The following DPP10 variants were observed in gnomAD, a reference collection of about 807,000 sequenced individuals.
The protein encoded by DPP10 is inactive dipeptidyl peptidase 10.
Under a neutral mutation model 120.9 loss-of-function variants are expected in DPP10, and 33 were observed. The ratio of observed to expected loss-of-function variants is 0.27; its 90% CI spans 0.21 to 0.37. DPP10 has a LOEUF of 0.37. DPP10 is among the 10% of genes least tolerant of loss of function. DPP10 has a pLI of 1.00. For missense variants in DPP10, 816 were observed against 942.8 expected, an observed-to-expected ratio of 0.87 and a Z score of 1.76; for synonymous variants, 337 against 326.1, an observed-to-expected ratio of 1.03 and a Z score of -0.36.
In DPP10 at chr2:114,782,173, A is replaced by T. The variant is rs537107198; in HGVS notation, c.60+339335A>T. Among the ~76,000 whole-genome samples the T allele has an allele frequency of 2.0e-4, 31 of 151,966 alleles. No homozygotes were observed. In the South Asian group the frequency reaches 6.1e-3, roughly 30 times the overall value. On this transcript the variant is annotated intron_variant, in intron 1 of 25. Transcript: ENST00000410059. Reference sequence around the variant, plus strand: ...ATGTACGTTGCATATTTTTTAATGGAATCTTCATACTAGTCATGAGAATGG... The same window carrying T: ...ATGTACGTTGCATATTTTTTAATGGTATCTTCATACTAGTCATGAGAATGG...
rs571690881 is a variant in DPP10, at chr2:114,817,372, T to C, written c.60+374534T>C. 2.0e-5 allele frequency among the ~76,000 whole-genome samples: 3 copies of C among 151,488 alleles called. No homozygotes were observed. In the East Asian group the frequency reaches 5.8e-4, roughly 29 times the overall value. ...TGTTAATGAAGCTATGCCACTCTTA[T>C]GTACAGAGGTGAGGATGAGGCTAAA... is the stretch of plus-strand genomic sequence containing the variant. On this transcript the variant is annotated intron_variant, in intron 1 of 25. Coordinates refer to ENST00000410059, the MANE Select transcript of DPP10 (RefSeq NM_020868.6).
intron 7 of DPP10, among the ~76,000 whole-genome samples, chr2:115,692,188 A>G (rs968220159): frequency 5.1e-5 from 7 of 136,104 alleles, no homozygotes; most frequent in Non-Finnish European, 9.4e-5. Flanking sequence ...TGATTCTATT[A>G]TGGTTACTGG....
chr2:114,762,193 A>T (rs1331813527), intron 1 of DPP10, among the ~76,000 whole-genome samples: 1 of 152,146 alleles, frequency 6.6e-6, no homozygotes, highest in African/African-American at 2.4e-5. Context: ...CATAACAGAG[A>T]TTTTCTCCTC....
At chr2:115,542,751 C>A (rs552342498) in intron 5 of DPP10, among the ~76,000 whole-genome samples, 2 of 151,276 alleles carry the variant, frequency 1.3e-5, no homozygotes, top group African/African-American at 4.9e-5. Flanking sequence ...GTAGACTCTA[C>A]AGTTTGTGGT....
chr2:115,626,715 T>C (rs894228297), intron 5 of DPP10, among the ~76,000 whole-genome samples: 2 of 152,166 alleles, frequency 1.3e-5, no homozygotes, highest in Admixed American at 1.3e-4. Flanking sequence ...TCTTTAGAAG[T>C]ATCAGTATAA....
At chr2:114,507,168 C>T (rs542962488) in intron 1 of DPP10, among the ~76,000 whole-genome samples, 30 of 151,608 alleles carry the variant, frequency 2.0e-4, no homozygotes, top group Admixed American at 3.9e-4. Flanking sequence ...CCGCCTCAGC[C>T]TCTCGAATAG....
chr2:115,284,467 T>C lies in DPP10; in HGVS notation c.61-24772T>C, dbSNP rs193047923. On this transcript the variant is annotated intron_variant, in intron 1 of 25. Coordinates refer to ENST00000410059, the MANE Select transcript of DPP10 (RefSeq NM_020868.6). ...CTTCATATTCTAACTTGTCAAACTTTTAAGCATCAAGCAATTTTTCCTGCA... is the reference window on the plus strand; with the variant it reads ...CTTCATATTCTAACTTGTCAAACTTCTAAGCATCAAGCAATTTTTCCTGCA... 1.6e-3 allele frequency among the ~76,000 whole-genome samples: 243 copies of C among 151,984 alleles called. 4 individuals carry two copies. Among genetic ancestry groups the C allele is most frequent in the African/African-American group, 5.3e-3 (220 of 41,404 alleles).
intron 1 of DPP10, among the ~76,000 whole-genome samples, chr2:114,886,872 C>T (rs1255405407): frequency 5.9e-5 from 9 of 152,240 alleles, no homozygotes; most frequent in South Asian, 2.1e-4. Context: ...TGTCAATAAA[C>T]GCTTTCTCAA....
chr2:115,551,266 G>T (rs2079854658), intron 5 of DPP10, among the ~76,000 whole-genome samples: 2 of 152,082 alleles, frequency 1.3e-5, no homozygotes, highest in Admixed American at 6.6e-5. Context: ...TGGCCAAAAT[G>T]AATAGTATAA....
chr2:114,927,581 G>C (rs1318975569), intron 1 of DPP10, among the ~76,000 whole-genome samples: 1 of 152,134 alleles, frequency 6.6e-6, no homozygotes, highest in Non-Finnish European at 1.5e-5. Flanking sequence ...AGGGCAATCG[G>C]AATATGCATC....
intron 1 of DPP10, among the ~76,000 whole-genome samples, chr2:114,879,134 C>CTTTTTTT (rs372569269): frequency 7.1e-6 from 1 of 141,222 alleles, no homozygotes; most frequent in South Asian, 2.2e-4. Context: ...CAGGTAAATT[C>CTTTTTTT]TTTTTTTTTT....
At chr2:115,383,282 G>C (rs566836368) in intron 3 of DPP10, among the ~76,000 whole-genome samples, 1 of 152,168 alleles carries the variant, frequency 6.6e-6, no homozygotes, top group Non-Finnish European at 1.5e-5. Flanking sequence ...TAGTGAATAA[G>C]TCTCACAAGA....
At chr2:115,129,585 C>A (rs2050239013) in intron 1 of DPP10, among the ~76,000 whole-genome samples, 1 of 152,074 alleles carries the variant, frequency 6.6e-6, no homozygotes, top group African/African-American at 2.4e-5. Flanking sequence ...TTGTAGAATG[C>A]ATTCTTGTTC....
At chr2:114,952,720 A>G (rs1286930524) in intron 1 of DPP10, among the ~76,000 whole-genome samples, 1 of 152,194 alleles carries the variant, frequency 6.6e-6, no homozygotes. Context: ...GGTGAGATGG[A>G]AAAAATACAC....
intron 1 of DPP10, among the ~76,000 whole-genome samples, chr2:114,749,644 C>G (rs1027857933): frequency 2.7e-5 from 4 of 147,656 alleles, no homozygotes; most frequent in Non-Finnish European, 4.5e-5. Flanking sequence ...TAGAGTGCAG[C>G]GGCACGATCT....
chr2:114,483,376 T>C (rs1681227911), intron 1 of DPP10, among the ~76,000 whole-genome samples: 1 of 152,122 alleles, frequency 6.6e-6, no homozygotes, highest in South Asian at 2.1e-4. Context: ...TTTGAAAATG[T>C]TCAATGGCCA....
chr2:115,664,982 A>G (rs1229981215), intron 5 of DPP10, among the ~76,000 whole-genome samples: 1 of 152,200 alleles, frequency 6.6e-6, no homozygotes, highest in East Asian at 1.9e-4. Context: ...TGGCTACGAT[A>G]TAGGGCAGCA....
intron 1 of DPP10, among the ~76,000 whole-genome samples, chr2:115,307,338 C>T (rs1428713418): frequency 6.6e-6 from 1 of 152,056 alleles, no homozygotes; most frequent in Admixed American, 6.6e-5. Flanking sequence ...GTTGGAGTGA[C>T]AGCATATCAA....
chr2:114,892,014 A>T (rs1692581684), intron 1 of DPP10, among the ~76,000 whole-genome samples: 1 of 152,284 alleles, frequency 6.6e-6, no homozygotes, highest in African/African-American at 2.4e-5. Context: ...TTCTCCATGA[A>T]GTAGGACCCT....
Sources: gnomAD v4.1 joint callset for allele counts (sites outside exome capture counted in the v4.1 genomes callset) on GRCh38, gnomAD v4.1.1 for gene constraint, MANE v1.5 for transcripts, NCBI Gene and HGNC (gene_info 2026-07-23, HGNC 2026-07-21) for gene names.